The following M6PR variants were observed in gnomAD, a reference collection of about 807,000 sequenced individuals.
The protein encoded by M6PR is mannose-6-phosphate receptor, cation dependent, also known as cation-dependent mannose-6-phosphate receptor.
A neutral mutation model predicts 33.1 loss-of-function variants in M6PR; 19 were observed. That is an observed-to-expected ratio of 0.57 (90% confidence interval 0.40 to 0.84). The LOEUF is 0.84. Ranked by LOEUF, M6PR falls within the 40% of genes least tolerant of loss-of-function variation. The probability of loss-of-function intolerance (pLI) is 0.00; values close to 1 mark genes in which losing one functional copy is unlikely to be tolerated. For missense variants in M6PR, 295 were observed against 336.0 expected (o/e 0.88, Z 0.95); for synonymous variants, 111 against 123.4 (o/e 0.90, Z 0.67).
rs138457797 is a variant in M6PR at position 8,942,447 on chromosome 12, G to A, written c.680C>T (p.Ala227Val). 2 of 1,614,070 alleles carry A rather than the reference G, an allele frequency of 1.2e-6. No homozygotes were observed. The highest frequency in any genetic ancestry group is 2.7e-5 in the African/African-American group (2 of 74,934). ...CAGGTTGCCAAGATCCTGCCAGAAG[G>A]CTAAGTGGGGAAACTGCTCCATTCC... ...AKGMEQFPHL[A>V]FWQDLGNLVA... is the part of the protein sequence containing the mutation. The change falls in exon 6 of 7, where the codon GCC (alanine) becomes GTC (valine). Residue 227 changes from alanine to valine, a missense_variant. Transcript: ENST00000000412.
chr12:8,949,272 CCT>C lies in M6PR; in HGVS notation c.-2+214_-2+215del, dbSNP rs1946153864. On this transcript the variant is annotated intron_variant, in intron 1 of 6. Coordinates refer to ENST00000000412, the MANE Select transcript of M6PR (RefSeq NM_002355.4). This position sits in a 1 kb window ranked among gnomAD's most constrained non-coding sequence, Gnocchi z 5.6. ...CCTGCTTTCTAAATATCGTAAATCC[CCT>C]CTCTGGTCTTGGAAGTCCTTTCTCC... is the stretch of plus-strand genomic sequence containing the variant. Among the ~76,000 whole-genome samples, 1 of 152,078 alleles carries C rather than the reference CCT, an allele frequency of 6.6e-6. No homozygotes were observed. The highest frequency in any genetic ancestry group is 2.1e-4 in the South Asian group (1 of 4,812).
chr12:8,948,382 A>G (rs1946133656), intron 1 of M6PR, among the ~76,000 whole-genome samples: 1 of 152,246 alleles, frequency 6.6e-6, no homozygotes, highest in African/African-American at 2.4e-5. Context: ...GATGCTTTAC[A>G]GAATTACTTG....
intron 1 of M6PR, among the ~76,000 whole-genome samples, chr12:8,948,191 AAGTT>A (rs1159755629): frequency 6.6e-6 from 1 of 152,220 alleles, no homozygotes; most frequent in African/African-American, 2.4e-5. Context: ...ATTATTCAAA[AAGTT>A]AGGATAATAA....
At chr12:8,946,458 A>G (rs1946096411) in intron 1 of M6PR, 53 bp from the exon 2 acceptor site, 1 of 1,393,862 alleles carries the variant, frequency 7.2e-7, no homozygotes, top group Admixed American at 1.8e-5. Flanking sequence ...GAGAGAGAGG[A>G]AAGAGATAAA....
In M6PR at chr12:8,945,492, A is replaced by AG; in HGVS notation, c.268dup (p.Leu90ProfsTer8). The AG allele has an allele frequency of 6.2e-7, 1 of 1,614,104 alleles. No homozygotes were observed. Among genetic ancestry groups the AG allele is most frequent in the Non-Finnish European group, 8.5e-7 (1 of 1,180,014 alleles). Reference sequence around the variant, plus strand: ...CCCATTACTTTTGTTGATTTGCACCAGGCCTGCCCCAGAAGTGTGGTTGCC... The same window carrying AG: ...CCCATTACTTTTGTTGATTTGCACCAGGGCCTGCCCCAGAAGTGTGGTTGCC... On this transcript the variant is annotated frameshift_variant, in exon 3 of 7. Coordinates refer to ENST00000000412, the MANE Select transcript of M6PR (RefSeq NM_002355.4). LOFTEE classifies it high-confidence loss of function.
rs1017231200 is a variant in M6PR at position 8,941,725 on chromosome 12, G to A, written c.*93C>T. On this transcript the variant is annotated 3_prime_UTR_variant, in exon 7 of 7. Transcript: ENST00000000412. ...AAAGCAAGAGCAATAGTAAGGGTGA[G>A]ATGAGGGACTGGAGTTGAGACTGCT... The A allele has an allele frequency of 2.5e-5, 37 of 1,490,794 alleles. No homozygotes were observed. In the Admixed American group the frequency reaches 6.1e-4, roughly 25 times the overall value. 92.3% of individuals were successfully genotyped at this position (1,490,794 alleles called of 1,614,324 possible).
At chr12:8,945,341 C>T in intron 3 of M6PR, 77 bp downstream of exon 3, 1 of 1,518,400 alleles carries the variant, frequency 6.6e-7, no homozygotes, top group African/African-American at 1.4e-5. Context: ...TAGAAACGGC[C>T]AAGACATACA....
chr12:8,942,078 C>A, intron 6 of M6PR, 138 bp from the exon 7 acceptor site: 2 of 1,000,568 alleles, frequency 2.0e-6, no homozygotes, highest in Non-Finnish European at 2.9e-6. Flanking sequence ...ATCTGACAAT[C>A]AGCCTAAATT....
intron 1 of M6PR, among the ~76,000 whole-genome samples, chr12:8,947,757 G>A (rs1464056149): frequency 2.0e-5 from 3 of 152,098 alleles, no homozygotes; most frequent in Non-Finnish European, 4.4e-5. Flanking sequence ...CTCATGGTCT[G>A]TGTTGAACAA....
At chr12:8,943,663 T>G (rs898833248) in intron 4 of M6PR, 128 bp from the exon 5 acceptor site, 1 of 1,373,384 alleles carries the variant, frequency 7.3e-7, no homozygotes, top group Non-Finnish European at 1.0e-6. Context: ...AAGATGCGTG[T>G]CTGACACAGA....
intron 1 of M6PR, among the ~76,000 whole-genome samples, chr12:8,947,050 C>G (rs978048082): frequency 7.9e-5 from 12 of 152,160 alleles, no homozygotes; most frequent in Non-Finnish European, 1.5e-4. Context: ...GACAGACTGA[C>G]TTACCCTTGC....
chr12:8,940,403 AAG>A lies in M6PR; in HGVS notation c.*1413_*1414del. ...TTAATCATTAAGAGTTTTTGTACAA[AAG>A]GTGATGGTTTTTTTTCTTCATTTTA... On this transcript the variant is annotated 3_prime_UTR_variant, in exon 7 of 7. Coordinates refer to ENST00000000412, the MANE Select transcript of M6PR (RefSeq NM_002355.4). The A allele has an allele frequency of 5.3e-6, 1 of 187,642 alleles. No homozygotes were observed. The highest frequency in any genetic ancestry group is 5.4e-5 in the Admixed American group (1 of 18,562). 11.6% of individuals were successfully genotyped at this position (187,642 alleles called of 1,614,324 possible).
intron 5 of M6PR, 38 bp from the exon 6 acceptor site, chr12:8,942,580 G>A (rs1315644254): frequency 1.2e-6 from 2 of 1,603,046 alleles, no homozygotes; most frequent in Non-Finnish European, 1.7e-6. Flanking sequence ...TAAGAACTGG[G>A]AAATAGTAAA....
rs777962948 is a variant in M6PR, at chr12:8,946,364, A to G, written c.41T>C (p.Leu14Pro). 2.0e-5 allele frequency: 32 copies of G among 1,614,064 alleles called. No homozygotes were observed. The highest frequency in any genetic ancestry group is 2.6e-5 in the Non-Finnish European group (31 of 1,180,014). Residue 14 changes from leucine (L) to proline (P), a missense_variant, in exon 2 of 7, where the codon CTA (leucine) becomes CCA (proline). Leu to Pro is a moderately conservative substitution (Grantham distance 98). Coordinates refer to ENST00000000412, the MANE Select transcript of M6PR (RefSeq NM_002355.4). ...TCTCACTGCCACAGCCAGGAGTAGT[A>G]GTAGCAGTCCAGTCCTCCAGCAGCT... ...FYSCWRTGLL[L>P]LLLAVAVRES...
chr12:8,942,854 T>G (rs1044744966), intron 5 of M6PR, among the ~76,000 whole-genome samples: 3 of 142,518 alleles, frequency 2.1e-5, no homozygotes, highest in African/African-American at 7.6e-5. Flanking sequence ...ATATAAAAAT[T>G]GCCTAGTCCT....
In M6PR at chr12:8,942,578, G is replaced by A. The variant is rs41314133; in HGVS notation, c.585-36C>T. On this transcript the variant is annotated intron_variant, in intron 5 of 6. Transcript: ENST00000000412. ...AGAAAGACATCTATACTTAAGAACT[G>A]GGAAATAGTAAAAACTCAGATAGGA... 2.4e-4 allele frequency: 388 copies of A among 1,603,282 alleles called. 1 individual carries two copies. In the East Asian group the frequency reaches 6.8e-3, roughly 28 times the overall value.
At chr12:8,945,646 A>G in intron 2 of M6PR, 62 bp from the exon 3 acceptor site, 1 of 1,376,634 alleles carries the variant, frequency 7.3e-7, no homozygotes. Context: ...CAGGAATAAC[A>G]GCATCCCTTT....
chr12:8,946,650 G>A (rs903076944), intron 1 of M6PR: 1 of 355,756 alleles, frequency 2.8e-6, no homozygotes, highest in Admixed American at 4.4e-5. Flanking sequence ...AAACTACAAA[G>A]TTGGGAAGAG....
intron 5 of M6PR, 23 bp from the exon 6 acceptor site, chr12:8,942,565 A>ATACT: frequency 6.2e-7 from 1 of 1,611,032 alleles, no homozygotes; most frequent in Non-Finnish European, 8.5e-7. Flanking sequence ...AAAGACATCT[A>ATACT]TACTTAAGAA....
Sources: allele counts gnomAD v4.1 joint callset (sites outside exome capture counted in the v4.1 genomes callset), GRCh38; gene constraint gnomAD v4.1.1; non-coding constraint Gnocchi (gnomAD v3.1); transcripts MANE v1.5; gene names NCBI Gene and HGNC (gene_info 2026-07-23, HGNC 2026-07-21).